Variants in SEZ6L observed in about 807,000 individuals in gnomAD.
SEZ6L encodes the protein seizure related 6 homolog like.
Under a neutral mutation model 106.2 loss-of-function variants are expected in SEZ6L, and 37 were observed. The observed-to-expected ratio is 0.35, with a 90% CI of 0.27 to 0.46. The LOEUF (loss-of-function observed/expected upper bound fraction) is 0.46. SEZ6L is among the 20% of genes least tolerant of loss of function. The pLI is 1.00. For synonymous variants in SEZ6L, 541 were observed against 570.4 expected (o/e 0.95, Z 0.73); for missense variants, 1,172 against 1,332.8 (o/e 0.88, Z 1.88).
chr22:26,196,604 G>T (rs1396668523), intron 1 of SEZ6L, among the ~76,000 whole-genome samples: 1 of 152,302 alleles, frequency 6.6e-6, no homozygotes, highest in African/African-American at 2.4e-5. Context: ...GCAGAGGATT[G>T]TGTGATGGGT....
chr22:26,183,940 A>G (rs1027877062), intron 1 of SEZ6L, among the ~76,000 whole-genome samples: 13 of 152,200 alleles, frequency 8.5e-5, no homozygotes, highest in Non-Finnish European at 1.2e-4. Flanking sequence ...CACGTGGCAA[A>G]GGATATCCAT....
chr22:26,180,020 T>C (rs1426882059), intron 1 of SEZ6L, among the ~76,000 whole-genome samples: 1 of 152,218 alleles, frequency 6.6e-6, no homozygotes, highest in Non-Finnish European at 1.5e-5. Flanking sequence ...GGCCGCCATA[T>C]TGGACAGCAT....
At chr22:26,321,278 C>T (rs778691137) in intron 9 of SEZ6L, among the ~76,000 whole-genome samples, 2 of 152,112 alleles carry the variant, frequency 1.3e-5, no homozygotes, top group East Asian at 1.9e-4. Context: ...TAGAAGCTGG[C>T]GGAGCTTGGA....
chr22:26,278,357 T>C, intron 1 of SEZ6L, among the ~76,000 whole-genome samples: 1 of 152,212 alleles, frequency 6.6e-6, no homozygotes, highest in Non-Finnish European at 1.5e-5. Context: ...TGCATAACGA[T>C]GAAGTTTGGG....
intron 9 of SEZ6L, among the ~76,000 whole-genome samples, chr22:26,329,134 G>C (rs141690507): frequency 6.6e-6 from 1 of 152,168 alleles, no homozygotes; most frequent in Non-Finnish European, 1.5e-5. Context: ...GAGAGGAAGA[G>C]AGGGTGGAAG....
At chr22:26,265,066 C>A (rs896961535) in intron 1 of SEZ6L, among the ~76,000 whole-genome samples, 1 of 152,160 alleles carries the variant, frequency 6.6e-6, no homozygotes, top group African/African-American at 2.4e-5. Flanking sequence ...ATCTCTCCCC[C>A]TCTTAGCCCC....
intron 1 of SEZ6L, among the ~76,000 whole-genome samples, chr22:26,240,480 T>C (rs1248747527): frequency 6.6e-6 from 1 of 152,168 alleles, no homozygotes; most frequent in Admixed American, 6.5e-5. Context: ...ACTTGGTTGT[T>C]GGGAGGACTG....
At chr22:26,300,387 G>A (rs1001312482) in intron 5 of SEZ6L, among the ~76,000 whole-genome samples, 3 of 151,720 alleles carry the variant, frequency 2.0e-5, no homozygotes, top group Admixed American at 2.0e-4. Context: ...TCCCACCTAT[G>A]AGTGAGAACA....
intron 1 of SEZ6L, among the ~76,000 whole-genome samples, chr22:26,208,898 G>GTGTGTA: frequency 8.0e-6 from 1 of 125,122 alleles, no homozygotes; most frequent in South Asian, 2.6e-4. Context: ...GTGTGTGTGT[G>GTGTGTA]TGTGTGTAAT....
intron 1 of SEZ6L, among the ~76,000 whole-genome samples, chr22:26,172,974 A>G (rs1255162516): frequency 6.6e-6 from 1 of 152,240 alleles, no homozygotes; most frequent in East Asian, 1.9e-4. Context: ...AATTAGATTT[A>G]TAAAGTCCAG....
In SEZ6L at chr22:26,306,076, G is replaced by T. The variant is rs142670064; in HGVS notation, c.1446G>T (p.Thr482=). 27 of 1,614,036 alleles carry T rather than the reference G, an allele frequency of 1.7e-5. No homozygotes were observed. In the African/African-American group the frequency reaches 2.5e-4, roughly 15 times the overall value. Residue 482 remains threonine (T), a synonymous_variant, in exon 6 of 17, where the codon ACG becomes ACT. Transcript: ENST00000248933. ...NTNGSQFCIW[T]IEAPEGQKLH... Reference sequence around the variant, plus strand: ...ATGGGAGCCAATTCTGCATCTGGACGATTGAAGCTCCAGAGGGCCAGAAGC... The same window carrying T: ...ATGGGAGCCAATTCTGCATCTGGACTATTGAAGCTCCAGAGGGCCAGAAGC...
At chr22:26,278,480 C>T (rs1345821717) in intron 1 of SEZ6L, among the ~76,000 whole-genome samples, 2 of 152,174 alleles carry the variant, frequency 1.3e-5, no homozygotes, top group Non-Finnish European at 2.9e-5. Context: ...TCTACTATTT[C>T]CATCTTTATG....
intron 1 of SEZ6L, among the ~76,000 whole-genome samples, chr22:26,230,993 G>A (rs983269708): frequency 6.6e-6 from 1 of 152,158 alleles, no homozygotes; most frequent in African/African-American, 2.4e-5. Flanking sequence ...CCAAAACTGG[G>A]GCTTAGCCCA....
intron 1 of SEZ6L, among the ~76,000 whole-genome samples, chr22:26,186,032 GTGTGATCGATCA>G (rs983054986): frequency 2.0e-5 from 3 of 151,898 alleles, no homozygotes; most frequent in Non-Finnish European, 4.4e-5. Context: ...CCTGTGAAGT[GTGTGATCGATCA>G]CACCCTGGCT....
intron 1 of SEZ6L, among the ~76,000 whole-genome samples, chr22:26,246,646 C>T (rs932902519): frequency 2.0e-5 from 3 of 152,028 alleles, no homozygotes; most frequent in South Asian, 4.2e-4. Context: ...ACAATGCAGT[C>T]GATTAATCCC....
intron 1 of SEZ6L, among the ~76,000 whole-genome samples, chr22:26,280,009 A>G (rs1267155086): frequency 6.6e-6 from 1 of 152,190 alleles, no homozygotes; most frequent in Non-Finnish European, 1.5e-5. Context: ...ACTGTATACA[A>G]TGATATACAA....
intron 1 of SEZ6L, among the ~76,000 whole-genome samples, chr22:26,230,294 G>A (rs1188465442): frequency 6.6e-6 from 1 of 150,802 alleles, no homozygotes; most frequent in Non-Finnish European, 1.5e-5. Flanking sequence ...ATAACCATTT[G>A]AGAGTTACTC....
chr22:26,230,973 C>T (rs753087634), intron 1 of SEZ6L, among the ~76,000 whole-genome samples: 11 of 152,184 alleles, frequency 7.2e-5, no homozygotes, highest in Admixed American at 1.3e-4. Context: ...TAATGAAAGA[C>T]GAGCAAGCCC....
At chr22:26,178,278 C>T (rs987718352) in intron 1 of SEZ6L, among the ~76,000 whole-genome samples, 6 of 152,150 alleles carry the variant, frequency 3.9e-5, no homozygotes, top group African/African-American at 1.4e-4. Flanking sequence ...GGAATGGTGC[C>T]ATCCAAGCAT....
Sources: gnomAD v4.1 joint callset for allele counts (sites outside exome capture counted in the v4.1 genomes callset) on GRCh38, gnomAD v4.1.1 for gene constraint, MANE v1.5 for transcripts, NCBI Gene and HGNC (gene_info 2026-07-23, HGNC 2026-07-21) for gene names.